Variants in MRPS28 observed in about 807,000 individuals in gnomAD.
MRPS28 encodes the protein mitochondrial ribosomal protein S28, also known as small ribosomal subunit protein bS1m.
A neutral mutation model predicts 10.8 loss-of-function variants in MRPS28; 7 were observed. That is an observed-to-expected ratio of 0.65 (90% CI 0.37 to 1.22). MRPS28 has a LOEUF of 1.22. Among genes scored for constraint, MRPS28 ranks in the 50% most tolerant of loss-of-function variants. The pLI, the probability that MRPS28 is intolerant of heterozygous loss-of-function variation, is 0.02. For missense variants in MRPS28, 265 were observed against 232.9 expected (o/e 1.14, Z -0.90); for synonymous variants, 121 against 93.3 (o/e 1.30, Z -1.71).
intron 1 of MRPS28, among the ~76,000 whole-genome samples, chr8:80,022,271 C>T (rs1350238703): frequency 6.6e-6 from 1 of 151,504 alleles, no homozygotes; most frequent in Non-Finnish European, 1.5e-5. Context: ...GTGTATCAAA[C>T]ACTCATTACT....
At chr8:80,028,217 G>T (rs1173990456) in intron 1 of MRPS28, among the ~76,000 whole-genome samples, 1 of 151,802 alleles carries the variant, frequency 6.6e-6, no homozygotes, top group Non-Finnish European at 1.5e-5. Flanking sequence ...GGTTTCCGAA[G>T]GGGCTTAGAA....
At chr8:79,949,941 A>G (rs1447743447) in intron 2 of MRPS28, among the ~76,000 whole-genome samples, 1 of 152,260 alleles carries the variant, frequency 6.6e-6, no homozygotes, top group Non-Finnish European at 1.5e-5. Flanking sequence ...TTTCTTCCCT[A>G]GAACAAATAT....
rs553736060 is a variant in MRPS28, at chr8:79,950,853, G to T, written c.396-31705C>A. ...AGTGTGAAGTCAGAGCATATGCCCTGTAGCTTTCACTTTAGGACTCATATT... is the reference window on the plus strand; with the variant it reads ...AGTGTGAAGTCAGAGCATATGCCCTTTAGCTTTCACTTTAGGACTCATATT... On this transcript the variant is annotated intron_variant, in intron 2 of 2. Coordinates refer to ENST00000276585, the MANE Select transcript of MRPS28 (RefSeq NM_014018.3). Among the ~76,000 whole-genome samples, 128 of 152,286 alleles carry T rather than the reference G, an allele frequency of 8.4e-4. 3 individuals carry two copies. The highest frequency in any genetic ancestry group is 8.1e-3 in the Admixed American group (124 of 15,302).
At chr8:79,980,074 AAGACG>A (rs1331434447) in intron 2 of MRPS28, among the ~76,000 whole-genome samples, 3 of 152,214 alleles carry the variant, frequency 2.0e-5, no homozygotes, top group African/African-American at 7.2e-5. Context: ...TGATGCTAGT[AAGACG>A]TATGTAAAGC....
chr8:79,968,656 T>C (rs530200322), intron 2 of MRPS28, among the ~76,000 whole-genome samples: 1 of 152,148 alleles, frequency 6.6e-6, no homozygotes, highest in African/African-American at 2.4e-5. Context: ...ATATCTGCCT[T>C]CTTCTCCTCT....
chr8:79,983,908 C>T (rs1808062350), intron 2 of MRPS28, among the ~76,000 whole-genome samples: 1 of 152,106 alleles, frequency 6.6e-6, no homozygotes, highest in Non-Finnish European at 1.5e-5. Context: ...CATTCAGATT[C>T]AGGAAATACA....
At chr8:79,973,494 A>G (rs1219778052) in intron 2 of MRPS28, among the ~76,000 whole-genome samples, 6 of 152,114 alleles carry the variant, frequency 3.9e-5, no homozygotes, top group Admixed American at 6.5e-5. Context: ...CCCATCTCCA[A>G]ATAAATAAAT....
chr8:80,011,289 T>G (rs1235589170), intron 1 of MRPS28, among the ~76,000 whole-genome samples: 2 of 152,008 alleles, frequency 1.3e-5, no homozygotes, highest in Non-Finnish European at 2.9e-5. Context: ...GGGTCTCTGC[T>G]TGTAACCAGG....
chr8:79,983,207 G>A (rs1381762861), intron 2 of MRPS28, among the ~76,000 whole-genome samples: 1 of 152,158 alleles, frequency 6.6e-6, no homozygotes, highest in Non-Finnish European at 1.5e-5. Flanking sequence ...ACCTGCAGCT[G>A]AGTGTCCTGC....
chr8:80,004,251 G>A (rs1808757906), intron 1 of MRPS28, among the ~76,000 whole-genome samples: 1 of 152,210 alleles, frequency 6.6e-6, no homozygotes, highest in Non-Finnish European at 1.5e-5. Flanking sequence ...GGGGCAGACT[G>A]ACACCTCACA....
intron 1 of MRPS28, among the ~76,000 whole-genome samples, chr8:80,011,944 A>G (rs1420777738): frequency 6.6e-6 from 1 of 152,204 alleles, no homozygotes; most frequent in Non-Finnish European, 1.5e-5. Flanking sequence ...TTAGTATAAT[A>G]GTAAGTGGTA....
At chr8:79,920,904 G>A (rs965232130) in intron 2 of MRPS28, among the ~76,000 whole-genome samples, 1 of 152,258 alleles carries the variant, frequency 6.6e-6, no homozygotes, top group Admixed American at 6.5e-5. Context: ...TTTTCTTCTA[G>A]GGTTTTTATG....
intron 2 of MRPS28, among the ~76,000 whole-genome samples, chr8:79,981,740 A>G (rs1381821844): frequency 6.6e-6 from 1 of 152,238 alleles, no homozygotes; most frequent in African/African-American, 2.4e-5. Context: ...TGACACTACT[A>G]TAAGTAGATA....
intron 2 of MRPS28, among the ~76,000 whole-genome samples, chr8:79,985,715 G>C (rs1248592951): frequency 6.6e-6 from 1 of 152,152 alleles, no homozygotes; most frequent in Non-Finnish European, 1.5e-5. Flanking sequence ...AACCTCCCAA[G>C]ACTAAACCAG....
At chr8:79,966,488 G>T (rs571899847) in intron 2 of MRPS28, among the ~76,000 whole-genome samples, 1 of 152,062 alleles carries the variant, frequency 6.6e-6, no homozygotes, top group East Asian at 1.9e-4. Flanking sequence ...TGAAAAACTG[G>T]AGTCACTTTC....
intron 2 of MRPS28, among the ~76,000 whole-genome samples, chr8:79,966,421 T>TG (rs1454237147): frequency 7.2e-5 from 11 of 152,080 alleles, no homozygotes; most frequent in African/African-American, 2.7e-4. Context: ...ATTTTATAAA[T>TG]GGTACATTTA....
At chr8:80,029,612 C>A in intron 1 of MRPS28, 1 of 539,566 alleles carries the variant, frequency 1.9e-6, no homozygotes, top group Non-Finnish European at 2.8e-6. Flanking sequence ...TTATGAAGGG[C>A]CTTCTACTCC....
intron 2 of MRPS28, among the ~76,000 whole-genome samples, chr8:79,996,952 A>G (rs928092066): frequency 6.6e-6 from 1 of 152,218 alleles, no homozygotes; most frequent in Non-Finnish European, 1.5e-5. Context: ...ACTGCAGCAC[A>G]TTATTTATGC....
chr8:80,008,126 A>G (rs980200127), intron 1 of MRPS28, among the ~76,000 whole-genome samples: 1 of 152,254 alleles, frequency 6.6e-6, no homozygotes, highest in Non-Finnish European at 1.5e-5. Flanking sequence ...CCGTGTATCT[A>G]CAACTATCTG....
Sources: gnomAD v4.1 joint callset for allele counts (sites outside exome capture counted in the v4.1 genomes callset) on GRCh38, gnomAD v4.1.1 for gene constraint, MANE v1.5 for transcripts, NCBI Gene and HGNC (gene_info 2026-07-23, HGNC 2026-07-21) for gene names.